Variants in ARRDC5 observed in about 807,000 individuals in gnomAD.
The protein encoded by ARRDC5 is arrestin domain containing 5, also known as arrestin domain-containing protein 5.
A neutral mutation model predicts 13.3 loss-of-function variants in ARRDC5; 12 were observed. The observed-to-expected ratio is 0.90, with a 90% confidence interval of 0.58 to 1.46. ARRDC5 has a LOEUF of 1.46. ARRDC5 is among the 40% of genes most tolerant of loss of function. The pLI is 0.00. For synonymous variants in ARRDC5, 181 were observed against 173.4 expected (o/e 1.04, Z -0.34); for missense variants, 406 against 418.7 (o/e 0.97, Z 0.26).
intron 1 of ARRDC5, among the ~76,000 whole-genome samples, chr19:4,897,954 G>A (rs2031789823): frequency 6.6e-6 from 1 of 152,154 alleles, no homozygotes; most frequent in Non-Finnish European, 1.5e-5. Context: ...GGGTGTGGTG[G>A]CACACACCTG....
At chr19:4,892,919 T>C (rs1374854786) in intron 2 of ARRDC5, among the ~76,000 whole-genome samples, 1 of 150,570 alleles carries the variant, frequency 6.6e-6, no homozygotes, top group Non-Finnish European at 1.5e-5. Flanking sequence ...CCTGGCCAAC[T>C]TGGTGAAACC....
intron 1 of ARRDC5, among the ~76,000 whole-genome samples, chr19:4,902,016 A>G (rs10411770): frequency 0.08 from 12,190 of 152,178 alleles, 580 homozygotes; most frequent in Admixed American, 0.17. Flanking sequence ...CCTCCCAAGT[A>G]GCTGAGATTA....
chr19:4,912,313 A>G, the ARRDC5 span, among the ~76,000 whole-genome samples: 861 of 152,188 alleles, frequency 5.7e-3, 31 homozygotes, highest in East Asian at 0.11. Flanking sequence ...GTGGCATCCA[A>G]ACTGATTTTG....
chr19:4,913,618 G>A, the ARRDC5 span, among the ~76,000 whole-genome samples: 22 of 152,114 alleles, frequency 1.4e-4, no homozygotes, highest in African/African-American at 4.1e-4. Flanking sequence ...TAGCCTTGCC[G>A]GAACTCACCC....
chr19:4,904,772 G>A (rs997636472), upstream of ARRDC5, among the ~76,000 whole-genome samples: 23 of 152,216 alleles, frequency 1.5e-4, no homozygotes, highest in Admixed American at 3.9e-4. Context: ...ATCAATAAAA[G>A]TTTGTTGAAT....
Position 4,891,112 on chromosome 19 carries a change from C to T in ARRDC5, c.921G>A (p.Val307=). 2.5e-6 allele frequency: 4 copies of T among 1,613,956 alleles called. No individual in the cohort carries two copies. Among genetic ancestry groups the T allele is most frequent in the Non-Finnish European group, 3.4e-6 (4 of 1,179,860 alleles). ...KVPIIITSAS[V]DSAICQLSED... is the part of the protein sequence containing the mutation. Reference sequence around the variant, plus strand: ...CTGACAGCTGGCAGATGGCAGAGTCCACTGAGGCGCTGGTGATGATGATGG... The same window carrying T: ...CTGACAGCTGGCAGATGGCAGAGTCTACTGAGGCGCTGGTGATGATGATGG... The change falls in exon 3 of 3, where the codon GTG becomes GTA. Residue 307 remains valine (V), a synonymous_variant. Transcript: ENST00000650722.
chr19:4,907,479 G>T (rs373461536), upstream of ARRDC5, among the ~76,000 whole-genome samples: 6 of 152,034 alleles, frequency 3.9e-5, no homozygotes, highest in Admixed American at 1.3e-4. Flanking sequence ...ATGTTGACCA[G>T]GCTAGTCTGG....
Position 4,899,213 on chromosome 19 carries a change from A to T in ARRDC5, c.254-2337T>A, listed in dbSNP as rs767949654. On this transcript the variant is annotated intron_variant, in intron 1 of 2. Coordinates refer to ENST00000650722, the MANE Select transcript of ARRDC5 (RefSeq NM_001080523.3). ...TGTAGTCCCAGCTACTCGGGAGGCCAAGGCAGGAGAATGGCGTGAACCCGG... is the reference window on the plus strand; with the variant it reads ...TGTAGTCCCAGCTACTCGGGAGGCCTAGGCAGGAGAATGGCGTGAACCCGG... Among the ~76,000 whole-genome samples, 5 of 150,872 alleles carry T rather than the reference A, an allele frequency of 3.3e-5. No homozygotes were observed. The East Asian group carries it at 7.9e-4, about 24-fold the overall frequency.
the ARRDC5 span, among the ~76,000 whole-genome samples, chr19:4,908,715 C>G: frequency 6.6e-6 from 1 of 152,214 alleles, no homozygotes; most frequent in Admixed American, 6.5e-5. Flanking sequence ...AAGGAATCAT[C>G]TGAAATTATC....
chr19:4,910,833 T>C, the ARRDC5 span: 4 of 1,557,486 alleles, frequency 2.6e-6, no homozygotes, highest in Non-Finnish European at 3.5e-6. Context: ...GGCTCAGAGG[T>C]GCTGGTAAAA....
upstream of ARRDC5, among the ~76,000 whole-genome samples, chr19:4,904,752 G>A (rs2032030857): frequency 6.6e-6 from 1 of 152,084 alleles, no homozygotes; most frequent in South Asian, 2.1e-4. Context: ...GAGTGGGTGT[G>A]GGGGGTGGAA....
At chr19:4,895,876 C>T (rs2031693099) in intron 2 of ARRDC5, among the ~76,000 whole-genome samples, 1 of 152,232 alleles carries the variant, frequency 6.6e-6, no homozygotes, top group South Asian at 2.1e-4. Context: ...AGCAGCGCCC[C>T]TGGCCTCCAC....
At chr19:4,902,428 C>T in intron 1 of ARRDC5, 145 bp downstream of exon 1, 2 of 753,224 alleles carry the variant, frequency 2.7e-6, no homozygotes, top group Non-Finnish European at 2.1e-6. Context: ...GGTCATTGTT[C>T]TTCATGGCCT....
At chr19:4,905,385 C>G (rs1599227254), upstream of ARRDC5, among the ~76,000 whole-genome samples, 1 of 151,782 alleles carries the variant, frequency 6.6e-6, no homozygotes. Flanking sequence ...TCCCAAAGTG[C>G]TGGGATTACA....
chr19:4,902,505 C>A (rs1412124942), intron 1 of ARRDC5, 68 bp downstream of exon 1: 3 of 1,465,170 alleles, frequency 2.0e-6, no homozygotes, highest in Non-Finnish European at 2.8e-6. Flanking sequence ...GATTGACTCT[C>A]GGATGTGTTT....
chr19:4,916,235 G>A, the ARRDC5 span, among the ~76,000 whole-genome samples: 1 of 152,012 alleles, frequency 6.6e-6, no homozygotes, highest in South Asian at 2.1e-4. Flanking sequence ...GAGCCTGAAA[G>A]GTTGAGGCTG....
the ARRDC5 span, chr19:4,910,821 A>G: frequency 6.5e-7 from 1 of 1,530,566 alleles, no homozygotes; most frequent in South Asian, 1.3e-5. Flanking sequence ...AGAGCATGGC[A>G]TGGCTCAGAG....
At chr19:4,905,770 G>A (rs533635061), upstream of ARRDC5, among the ~76,000 whole-genome samples, 1 of 152,088 alleles carries the variant, frequency 6.6e-6, no homozygotes, top group African/African-American at 2.4e-5. Flanking sequence ...GCCTGCCTTG[G>A]CCTCCCAAAG....
At chr19:4,908,108 C>A in the ARRDC5 span, among the ~76,000 whole-genome samples, 2 of 152,198 alleles carry the variant, frequency 1.3e-5, no homozygotes, top group African/African-American at 4.8e-5. Flanking sequence ...CTTTTAAGGA[C>A]ATTGTGCCCA....
Sources: gnomAD v4.1 joint callset for allele counts (sites outside exome capture counted in the v4.1 genomes callset) on GRCh38, gnomAD v4.1.1 for gene constraint, MANE v1.5 for transcripts, NCBI Gene and HGNC (gene_info 2026-07-23, HGNC 2026-07-21) for gene names.